STAB1: variants seen among roughly 807,000 people sequenced by gnomAD.
STAB1 encodes the protein stabilin-1.
A neutral mutation model predicts 332.4 loss-of-function variants in STAB1; 250 were observed. That is an observed-to-expected ratio of 0.75 (90% CI 0.68 to 0.84). STAB1 has a LOEUF of 0.84. Ranked by LOEUF, STAB1 falls within the 40% of genes least tolerant of loss-of-function variation. The pLI, the probability that STAB1 is intolerant of heterozygous loss-of-function variation, is 0.00. For synonymous variants in STAB1, 1,475 were observed against 1,390.4 expected, an observed-to-expected ratio of 1.06 and a Z score of -1.35; for missense variants, 3,249 against 3,489.7, an observed-to-expected ratio of 0.93 and a Z score of 1.74.
chr3:52,515,550 A>AG (rs746563022), intron 37 of STAB1, 44 bp downstream of exon 37: 22 of 1,604,824 alleles, frequency 1.4e-5, no homozygotes, highest in Non-Finnish European at 1.9e-5. Flanking sequence ...AGAGAGAAGG[A>AG]GGTGGGAGTG....
chr3:52,506,465 C>T (rs564688947), intron 17 of STAB1, among the ~76,000 whole-genome samples: 6 of 152,366 alleles, frequency 3.9e-5, no homozygotes, highest in African/African-American at 9.6e-5. Flanking sequence ...ATGGAGCACA[C>T]GGTAGGGCTG....
rs185967985 is a variant in STAB1 at position 52,517,997 on chromosome 3, C to T, written c.4755C>T (p.Val1585=). ...ACGGCCTCACCTGCCGTGCCCGAGT[C>T]GGCCTGGTAATGATGCCCAAGTCAG... is the stretch of plus-strand genomic sequence containing the variant. The part of the protein sequence containing the change: ...VGDGLTCRAR[V]GLELLRDKHA... Residue 1585 remains valine, a synonymous_variant, in exon 45 of 69, where the codon GTC becomes GTT. Transcript: ENST00000321725. 108 of 1,603,958 alleles carry T rather than the reference C, an allele frequency of 6.7e-5. No homozygotes were observed. The Admixed American group carries it at 8.6e-4, about 13-fold the overall frequency.
rs376120279 is a variant in STAB1 at position 52,517,094 on chromosome 3, G to A, written c.4474G>A (p.Gly1492Arg). 63 of 1,563,758 alleles carry A rather than the reference G, an allele frequency of 4.0e-5. No individual in the cohort carries two copies. The highest frequency in any genetic ancestry group is 1.9e-5 in the Admixed American group (1 of 53,912). The change falls in exon 42 of 69, where the codon GGG (glycine) becomes AGG (arginine). Residue 1492 changes from glycine to arginine, a missense_variant. Gly to Arg is a moderately radical substitution (Grantham distance 125). Coordinates refer to ENST00000321725, the MANE Select transcript of STAB1 (RefSeq NM_015136.3). ...CTCQDGYMGD[G>R]ELCQEINSCL... ...CTGCCAGGATGGCTACATGGGCGAC[G>A]GGGAGCTGTGCCAGGGTGAGACTAG...
intron 21 of STAB1, 81 bp downstream of exon 21, chr3:52,508,440 C>A: frequency 7.2e-7 from 1 of 1,381,260 alleles, no homozygotes; most frequent in Admixed American, 1.9e-5. Context: ...GGCTGTGTGT[C>A]TGGGCCAAGC....
rs369912438 is a variant in STAB1, at chr3:52,518,618, G to A, written c.4887+5G>A. The A allele has an allele frequency of 6.2e-7, 1 of 1,608,396 alleles. No individual in the cohort carries two copies. Among genetic ancestry groups the A allele is most frequent in the Non-Finnish European group, 8.5e-7 (1 of 1,177,884 alleles). On this transcript the variant is annotated splice_donor_5th_base_variant and intron_variant, in intron 47 of 68. Transcript: ENST00000321725. ...CTAATGAGCAACCTGTCGCAGGTAT[G>A]CAGCCCCCAGAGCGAGGCTGGGCAG... is the stretch of plus-strand genomic sequence containing the variant.
At chr3:52,506,606 A>C (rs1708887485) in intron 17 of STAB1, 86 bp from the exon 18 acceptor site, 4 of 1,424,158 alleles carry the variant, frequency 2.8e-6, no homozygotes, top group Admixed American at 2.3e-5. Flanking sequence ...TGTCTGCTCT[A>C]ACTGGGCTGC....
At chr3:52,497,633 G>A (rs1011896486) in intron 1 of STAB1, among the ~76,000 whole-genome samples, 10 of 150,508 alleles carry the variant, frequency 6.6e-5, no homozygotes, top group Admixed American at 1.3e-4. Flanking sequence ...GCCTGGTCTC[G>A]AACTCCTGAT....
In STAB1 at chr3:52,504,126, T is replaced by C. The variant is rs1264947964; in HGVS notation, c.1121T>C (p.Leu374Pro). The change falls in exon 10 of 69, where the codon CTG becomes CCG. Residue 374 changes from leucine (L) to proline (P), a missense_variant. Coordinates refer to ENST00000321725, the MANE Select transcript of STAB1 (RefSeq NM_015136.3). ...GCCACGCAGACAGGCCGGGTGTTCC[T>C]GCAGCTGAGGGTCGCCGTGGCCATG... is the stretch of plus-strand genomic sequence containing the variant. ...QKATQTGRVF[L>P]QLRVAVAMMD... The C allele has an allele frequency of 4.4e-6, 7 of 1,592,028 alleles. No homozygotes were observed. In the Middle Eastern group the frequency reaches 1.1e-3, roughly 249 times the overall value.
chr3:52,504,063 G>A lies in STAB1; in HGVS notation c.1058G>A (p.Arg353His), dbSNP rs374039374. ...VCRESEVGDG[R>H]ACYGHLLHEV... ...AGGGAAAGCGAGGTGGGGGATGGGC[G>A]TGCCTGCTACGGACACCTGCTCCAC... The change falls in exon 10 of 69, where the codon CGT becomes CAT. Residue 353 changes from arginine to histidine, a missense_variant. Coordinates refer to ENST00000321725, the MANE Select transcript of STAB1 (RefSeq NM_015136.3). 3.9e-5 allele frequency: 62 copies of A among 1,588,438 alleles called. No homozygotes were observed. The highest frequency in any genetic ancestry group is 4.5e-5 in the South Asian group (4 of 88,454).
chr3:52,523,991 A>G lies in STAB1; in HGVS notation c.7516A>G (p.Met2506Val), dbSNP rs2079177561. Residue 2506 changes from methionine to valine, a missense_variant, in exon 67 of 69, where the codon ATG becomes GTG. Coordinates refer to ENST00000321725, the MANE Select transcript of STAB1 (RefSeq NM_015136.3). Reference protein sequence around the residue: ...ALYLRARGKPMGFGFSAFQAE... With the variant: ...ALYLRARGKPVGFGFSAFQAE... ...CTACCTCCGTGCCCGAGGCAAGCCCATGGGCTTTGGCTTCTCTGCCTTCCA... is the reference window on the plus strand; with the variant it reads ...CTACCTCCGTGCCCGAGGCAAGCCCGTGGGCTTTGGCTTCTCTGCCTTCCA... 1 of 1,612,174 alleles carries G rather than the reference A, an allele frequency of 6.2e-7. No homozygotes were observed. Among genetic ancestry groups the G allele is most frequent in the Non-Finnish European group, 8.5e-7 (1 of 1,179,874 alleles).
Position 52,503,432 on chromosome 3 carries a change from G to T in STAB1, c.783G>T (p.Glu261Asp), listed in dbSNP as rs143917552. 153 of 1,613,700 alleles carry T rather than the reference G, an allele frequency of 9.5e-5. No homozygotes were observed. The highest frequency in any genetic ancestry group is 1.2e-4 in the Non-Finnish European group (144 of 1,180,040). The change falls in exon 8 of 69, where the codon GAG becomes GAT. Residue 261 changes from glutamate to aspartate, a missense_variant. Glu to Asp is a conservative substitution (Grantham distance 45). Transcript: ENST00000321725. ...PKGQAQCHCP[E>D]NYHGDGMVCL... ...GGCAGGCTCAGTGTCACTGCCCTGA[G>T]AACTACCATGGCGATGGGATGGTGT...
intron 25 of STAB1, among the ~76,000 whole-genome samples, chr3:52,510,777 C>T (rs944176532): frequency 1.3e-5 from 2 of 152,310 alleles, no homozygotes; most frequent in African/African-American, 4.8e-5. Context: ...CAGGAAAAGC[C>T]CCTGCCCGTG....
intron 37 of STAB1, 52 bp downstream of exon 37, chr3:52,515,558 G>A: frequency 1.3e-6 from 2 of 1,595,824 alleles, no homozygotes; most frequent in Non-Finnish European, 8.6e-7. Context: ...GGAGGTGGGA[G>A]TGGGTGGGGG....
chr3:52,514,665 T>G, intron 34 of STAB1, 36 bp from the exon 35 acceptor site: 9 of 1,612,102 alleles, frequency 5.6e-6, no homozygotes, highest in Non-Finnish European at 7.6e-6. Context: ...GTGAGGGTGG[T>G]AGGTGGGTGG....
Position 52,522,619 on chromosome 3 carries a change from G to T in STAB1, c.6675G>T (p.Glu2225Asp). 6.2e-7 allele frequency: 1 copy of T among 1,612,988 alleles called. No individual in the cohort carries two copies. ...GCCCTTATGGTCTGAACTTTTCGGA[G>T]GCTGAGGCGGCATGCGAAGCACAGG... ...TSGPYGLNFS[E>D]AEAACEAQGA... The change falls in exon 61 of 69, where the codon GAG becomes GAT. Residue 2225 changes from glutamate to aspartate, a missense_variant. Glu to Asp is a conservative substitution (Grantham distance 45). Coordinates refer to ENST00000321725, the MANE Select transcript of STAB1 (RefSeq NM_015136.3).
chr3:52,511,302 C>A (rs1709283412), intron 25 of STAB1, among the ~76,000 whole-genome samples: 1 of 152,302 alleles, frequency 6.6e-6, no homozygotes, highest in East Asian at 1.9e-4. Flanking sequence ...GGGATCTAAG[C>A]CACTATCCTG....
Position 52,520,280 on chromosome 3 carries a change from G to A in STAB1, c.5489G>A (p.Arg1830Gln), listed in dbSNP as rs764397344. The A allele has an allele frequency of 2.2e-5, 36 of 1,612,994 alleles. 1 individual carries two copies. The highest frequency in any genetic ancestry group is 1.2e-4 in the South Asian group (11 of 91,092). ...HGTPISFSCSRTRAGELMVGE... is the reference protein window; with the variant it reads ...HGTPISFSCSQTRAGELMVGE... ...ACCCCCATCTCTTTCTCCTGCAGCC[G>A]AACGCGGGCCGTGAGTCTGGGGAGA... Residue 1830 changes from arginine (R) to glutamine (Q), a missense_variant, in exon 52 of 69, where the codon CGA (arginine) becomes CAA (glutamine). Coordinates refer to ENST00000321725, the MANE Select transcript of STAB1 (RefSeq NM_015136.3).
At chr3:52,518,935 C>A in intron 48 of STAB1, 66 bp downstream of exon 48, 1 of 638,024 alleles carries the variant, frequency 1.6e-6, no homozygotes, top group South Asian at 1.8e-5. Context: ...GCCATTGCCC[C>A]AGGCCCCACG....
Position 52,501,312 on chromosome 3 carries a change from A to G in STAB1, c.215+10A>G. ...TAACCCAGGACTGCCGGTGCGGGCC[A>G]CCCCTGTCCTTGCCTGTGTCCAGGA... On this transcript the variant is annotated intron_variant, in intron 2 of 68. Transcript: ENST00000321725. The G allele has an allele frequency of 6.2e-7, 1 of 1,611,650 alleles. No homozygotes were observed. Among genetic ancestry groups the G allele is most frequent in the South Asian group, 1.1e-5 (1 of 91,052 alleles).
Sources: gnomAD v4.1 joint callset for allele counts (sites outside exome capture counted in the v4.1 genomes callset) on GRCh38, gnomAD v4.1.1 for gene constraint, MANE v1.5 for transcripts, NCBI Gene and HGNC (gene_info 2026-07-23, HGNC 2026-07-21) for gene names.